The following TFB1M variants were observed in gnomAD, a reference collection of about 807,000 sequenced individuals.
TFB1M encodes the protein transcription factor B1, mitochondrial.
In TFB1M, 27 loss-of-function variants were observed where a neutral mutation model predicts 31.1. The observed-to-expected ratio is 0.87, with a 90% CI of 0.64 to 1.20. The LOEUF (loss-of-function observed/expected upper bound fraction) is 1.20. Ranked by LOEUF, TFB1M falls within the 50% of genes most tolerant of loss-of-function variation. The pLI, the probability that TFB1M is intolerant of heterozygous loss-of-function variation, is 0.00. For synonymous variants in TFB1M, 166 were observed against 151.8 expected (o/e 1.09, Z -0.69); for missense variants, 394 against 418.7 (o/e 0.94, Z 0.51).
the TFB1M span, chr6:155,240,751 T>C: frequency 1.3e-6 from 2 of 1,571,690 alleles, no homozygotes; most frequent in South Asian, 2.3e-5. Flanking sequence ...GCCTCTTTGA[T>C]GATGGCAAGT....
At chr6:155,260,248 T>TGAAGA in intron 6 of TFB1M, 25 bp downstream of exon 6, 1 of 1,613,844 alleles carries the variant, frequency 6.2e-7, no homozygotes, top group Non-Finnish European at 8.5e-7. Flanking sequence ...AGACTGCAAC[T>TGAAGA]GAAGAGAAGA....
intron 2 of TFB1M, among the ~76,000 whole-genome samples, chr6:155,307,140 C>T (rs113777562): frequency 5.5e-5 from 2 of 36,364 alleles, no homozygotes; most frequent in East Asian, 8.7e-3. Context: ...AACACATACA[C>T]ACACACACAC....
At chr6:155,237,635 A>G in the TFB1M span, among the ~76,000 whole-genome samples, 1 of 152,226 alleles carries the variant, frequency 6.6e-6, no homozygotes, top group African/African-American at 2.4e-5. Flanking sequence ...TGAAACCCCA[A>G]TTCTTGGACT....
chr6:155,275,959 G>C, intron 5 of TFB1M: 5 of 1,614,156 alleles, frequency 3.1e-6, no homozygotes, highest in East Asian at 2.2e-5. Context: ...TGCAGGCTGC[G>C]AGAGCCACCA....
At position 155,258,163 on chromosome 6, in the gene TFB1M, A is replaced by AAAAC. The variant is rs1443726737; in HGVS notation, c.795-85_795-82dup. 17 of 1,521,274 alleles carry AAAAC rather than the reference A, an allele frequency of 1.1e-5. No homozygotes were observed. In the African/African-American group the frequency reaches 1.4e-4, roughly 12 times the overall value. 94.2% of individuals were successfully genotyped at this position (1,521,274 alleles called of 1,614,324 possible). On this transcript the variant is annotated intron_variant, in intron 6 of 6. Transcript: ENST00000367166. Reference sequence around the variant, plus strand: ...CATGACACTTTTTAACCCTCATTTGAAAACAACACAACACAGTTGCTGGCT... The same window carrying AAAAC: ...CATGACACTTTTTAACCCTCATTTGAAAACAAACAACACAACACAGTTGCTGGCT...
chr6:155,296,242 C>T (rs1475622941), intron 4 of TFB1M, among the ~76,000 whole-genome samples: 1 of 151,810 alleles, frequency 6.6e-6, no homozygotes. Flanking sequence ...TTCTCAGCTC[C>T]AAATTGATTA....
chr6:155,239,755 C>T, the TFB1M span, among the ~76,000 whole-genome samples: 35 of 152,288 alleles, frequency 2.3e-4, no homozygotes, highest in South Asian at 2.1e-3. Context: ...GGCCCTGGCT[C>T]CCTGCTAAGA....
chr6:155,308,158 G>C (rs1281836301), intron 2 of TFB1M, among the ~76,000 whole-genome samples: 1 of 152,170 alleles, frequency 6.6e-6, no homozygotes, highest in Admixed American at 6.5e-5. Context: ...TCATAAAAAT[G>C]TAACAAGAAA....
rs780454863 is a variant in TFB1M at position 155,314,436 on chromosome 6, G to A, written c.-8C>T. 7 of 1,614,128 alleles carry A rather than the reference G, an allele frequency of 4.3e-6. No individual in the cohort carries two copies. Among genetic ancestry groups the A allele is most frequent in the South Asian group, 2.2e-5 (2 of 91,082 alleles). On this transcript the variant is annotated 5_prime_UTR_variant, in exon 1 of 7. Transcript: ENST00000367166. ...TTTTCCGGAGGCAGCCATGATACGC[G>A]GCAAGCACCATCCAACCCTACCTCA...
At chr6:155,235,087 C>T in the TFB1M span, among the ~76,000 whole-genome samples, 1 of 151,972 alleles carries the variant, frequency 6.6e-6, no homozygotes, top group Admixed American at 6.5e-5. Context: ...GGAACGGGCC[C>T]TGTGCCATTT....
intron 2 of TFB1M, among the ~76,000 whole-genome samples, chr6:155,305,470 TA>T: frequency 3.7e-5 from 1 of 26,926 alleles, no homozygotes; most frequent in South Asian, 2.5e-3. Context: ...TATATATAAA[TA>T]TATATTAAAT....
chr6:155,304,174 C>T (rs1398559021), intron 2 of TFB1M, among the ~76,000 whole-genome samples: 7 of 151,990 alleles, frequency 4.6e-5, no homozygotes, highest in Non-Finnish European at 8.8e-5. Context: ...TCCAGCTACT[C>T]GTCAGGCTGA....
At chr6:155,296,687 A>AGTGGCATCGATGGCTGTTGCATCCCT (rs879734259) in intron 4 of TFB1M, among the ~76,000 whole-genome samples, 13,184 of 151,606 alleles carry the variant, frequency 0.087, 762 homozygotes, top group East Asian at 0.18. Flanking sequence ...GTCTTTCTCC[A>AGTGGCATCGATGGCTGTTGCATCCCT]GTGGCATCGA....
rs115044640 is a variant in TFB1M, at chr6:155,303,191, A to C, written c.286-4606T>G. 1.9e-3 allele frequency: 297 copies of C among 152,326 alleles called. 1 individual carries two copies. The highest frequency in any genetic ancestry group is 6.9e-3 in the African/African-American group (288 of 41,562). The allele number at this position is 152,326 out of a possible 1,614,324, so 9.4% of individuals were successfully genotyped here. ...CAACGTACAGGTATGCCAACGACAC[A>C]ACCTTCTTCCTTAGGCCAATGTATA... On this transcript the variant is annotated intron_variant, in intron 2 of 6. Coordinates refer to ENST00000367166, the MANE Select transcript of TFB1M (RefSeq NM_016020.4).
intron 4 of TFB1M, among the ~76,000 whole-genome samples, chr6:155,289,057 GAC>G (rs1039666313): frequency 1.2e-4 from 18 of 145,866 alleles, no homozygotes; most frequent in African/African-American, 4.6e-4. Flanking sequence ...AATTTACAAG[GAC>G]AGTGGTTTTT....
At chr6:155,311,100 T>C (rs1582889456) in intron 2 of TFB1M, 88 bp downstream of exon 2, 1 of 1,456,676 alleles carries the variant, frequency 6.9e-7, no homozygotes. Context: ...ACCTACATAA[T>C]CTTTGGATAC....
chr6:155,278,074 C>T lies in TFB1M; in HGVS notation c.666+7084G>A, dbSNP rs538591831. On this transcript the variant is annotated intron_variant, in intron 5 of 6. Transcript: ENST00000367166. ...AGCCATTTTATATGAAATAATGGCC[C>T]AGTGTATTGTTTGGAAGTGGCAATC... Among the ~76,000 whole-genome samples, 69 of 152,240 alleles carry T rather than the reference C, an allele frequency of 4.5e-4. No individual in the cohort carries two copies. In the South Asian group the frequency reaches 0.014, roughly 31 times the overall value.
At chr6:155,290,652 A>G (rs1776878197) in intron 4 of TFB1M, among the ~76,000 whole-genome samples, 1 of 152,142 alleles carries the variant, frequency 6.6e-6, no homozygotes, top group Non-Finnish European at 1.5e-5. Flanking sequence ...CACAACTGAC[A>G]TGCTGAGTCA....
chr6:155,280,239 C>T (rs577950208), intron 5 of TFB1M, among the ~76,000 whole-genome samples: 1 of 152,208 alleles, frequency 6.6e-6, no homozygotes, highest in Admixed American at 6.5e-5. Flanking sequence ...GATGCTGTGT[C>T]TTGGCCAAGC....
Sources: allele counts gnomAD v4.1 joint callset (sites outside exome capture counted in the v4.1 genomes callset), GRCh38; gene constraint gnomAD v4.1.1; transcripts MANE v1.5; gene names NCBI Gene and HGNC (gene_info 2026-07-23, HGNC 2026-07-21).